The following ZDHHC20 variants were observed in gnomAD, a reference collection of about 807,000 sequenced individuals.
The protein encoded by ZDHHC20 is zDHHC palmitoyltransferase 20.
ZDHHC20 carries 43 observed loss-of-function variants against 57.8 expected under a neutral mutation model. That is an observed-to-expected ratio of 0.74 (90% CI 0.58 to 0.96). ZDHHC20 has a LOEUF of 0.96. Among genes scored for constraint, ZDHHC20 ranks in the 40% least tolerant of loss-of-function variants. The probability of loss-of-function intolerance (pLI) is 0.00; values close to 1 mark genes in which losing one functional copy is unlikely to be tolerated. For synonymous variants in ZDHHC20, 157 were observed against 153.0 expected (o/e 1.03, Z -0.19); for missense variants, 391 against 441.1 (o/e 0.89, Z 1.02).
chr13:21,433,512 G>A (rs1007004762), intron 1 of ZDHHC20, among the ~76,000 whole-genome samples: 1 of 151,904 alleles, frequency 6.6e-6, no homozygotes, highest in Non-Finnish European at 1.5e-5. Context: ...AGCTACTCAG[G>A]AGGGTGAGGT....
intron 1 of ZDHHC20, among the ~76,000 whole-genome samples, chr13:21,429,487 T>C (rs1881667501): frequency 6.6e-6 from 1 of 152,194 alleles, no homozygotes; most frequent in African/African-American, 2.4e-5. Context: ...TTATTCTGTT[T>C]TTCCCCTATA....
chr13:21,459,116 A>G lies in ZDHHC20; in HGVS notation c.56T>C (p.Val19Ala). ...CCQRVVGWVP[V>A]LFITFVVVWS... Reference sequence around the variant, plus strand: ...GACGACCACGAAGGTGATGAAGAGCACCGGCACCCAGCCCACGACGCGCTG... The same window carrying G: ...GACGACCACGAAGGTGATGAAGAGCGCCGGCACCCAGCCCACGACGCGCTG... Residue 19 changes from valine (V) to alanine (A), a missense_variant, in exon 1 of 13, where the codon GTG (valine) becomes GCG (alanine). Physicochemically the swap from Val to Ala is moderately conservative, Grantham distance 64 (BLOSUM62 0). Transcript: ENST00000400590. 1 of 1,607,692 alleles carries G rather than the reference A, an allele frequency of 6.2e-7. No homozygotes were observed.
intron 2 of ZDHHC20, 104 bp from the exon 3 acceptor site, chr13:21,421,268 CAATT>C (rs1593242858): frequency 1.3e-6 from 1 of 789,302 alleles, no homozygotes; most frequent in South Asian, 1.6e-5. Context: ...ATCCAATAAA[CAATT>C]AAATTAAAAT....
At chr13:21,382,088 T>C (rs1040202426) in intron 10 of ZDHHC20, 6 of 385,114 alleles carry the variant, frequency 1.6e-5, no homozygotes, top group African/African-American at 1.0e-4. Flanking sequence ...CCAGACACGA[T>C]GCTAGGCATC....
intron 3 of ZDHHC20, 126 bp from the exon 4 acceptor site, chr13:21,413,898 A>G: frequency 1.6e-6 from 1 of 623,494 alleles, no homozygotes; most frequent in Non-Finnish European, 2.6e-6. Flanking sequence ...CTTGTCTTCA[A>G]AAAAAAGCAG....
rs747307477 is a variant in ZDHHC20 at position 21,414,527 on chromosome 13, A to ATT, written c.250-757_250-756dup. On this transcript the variant is annotated intron_variant, in intron 3 of 12. Transcript: ENST00000400590. The stretch of plus-strand genomic sequence containing the variant: ...AGGCGCACGCCACTATGCCCGGATA[A>ATT]TTTTTTTTTTTTTTTTTGTATTTTT... Among the ~76,000 whole-genome samples the ATT allele has an allele frequency of 2.1e-3, 222 of 107,524 alleles. 7 individuals carry two copies. The highest frequency in any genetic ancestry group is 0.012 in the Middle Eastern group (2 of 162). 70.5% of individuals were successfully genotyped at this position (107,524 alleles called of 152,430 possible). A position where few individuals can be genotyped will look rare whatever the true frequency, so the allele number is the denominator to read the frequency against.
intron 5 of ZDHHC20, among the ~76,000 whole-genome samples, chr13:21,402,244 T>C (rs1167179929): frequency 6.6e-6 from 1 of 152,112 alleles, no homozygotes; most frequent in Non-Finnish European, 1.5e-5. Context: ...ACTGATGGGC[T>C]TGGAGATGGT....
At chr13:21,426,826 C>T (rs1036033153) in intron 1 of ZDHHC20, among the ~76,000 whole-genome samples, 2 of 152,068 alleles carry the variant, frequency 1.3e-5, no homozygotes, top group African/African-American at 2.4e-5. Flanking sequence ...AGGCTGGTCT[C>T]GAACTCCTGA....
intron 2 of ZDHHC20, among the ~76,000 whole-genome samples, chr13:21,424,429 G>A (rs1018116946): frequency 6.6e-6 from 1 of 152,136 alleles, no homozygotes; most frequent in Admixed American, 6.6e-5. Flanking sequence ...AGACTCTTTG[G>A]CCAGGCAACG....
At chr13:21,409,188 A>G (rs1878866464) in intron 4 of ZDHHC20, among the ~76,000 whole-genome samples, 1 of 151,644 alleles carries the variant, frequency 6.6e-6, no homozygotes, top group Admixed American at 6.6e-5. Flanking sequence ...GAATGGTACC[A>G]CCTCCTCTTT....
chr13:21,445,077 CAT>C (rs899378222), intron 1 of ZDHHC20, among the ~76,000 whole-genome samples: 228 of 152,012 alleles, frequency 1.5e-3, no homozygotes, highest in African/African-American at 4.6e-3. Context: ...CACACACACA[CAT>C]ACATGTTTTA....
chr13:21,440,077 A>AG (rs1274922232), intron 1 of ZDHHC20, among the ~76,000 whole-genome samples: 1 of 24,716 alleles, frequency 4.0e-5, no homozygotes, highest in African/African-American at 1.4e-4. Flanking sequence ...AGAAAAAAAA[A>AG]AAAAAAAAAA....
intron 8 of ZDHHC20, among the ~76,000 whole-genome samples, chr13:21,391,262 C>T (rs937074027): frequency 1.3e-5 from 2 of 152,140 alleles, no homozygotes; most frequent in African/African-American, 2.4e-5. Context: ...CCACTGTGCC[C>T]TGCCTCTTAT....
intron 1 of ZDHHC20, among the ~76,000 whole-genome samples, chr13:21,441,261 A>G (rs770489332): frequency 2.6e-4 from 40 of 151,888 alleles, no homozygotes; most frequent in Admixed American, 1.8e-3. Context: ...TTCAAGTCAC[A>G]TTTTGGGTCT....
rs200687078 is a variant in ZDHHC20, at chr13:21,403,196, G to GT, written c.371-331dup. ...AGATTTAGTAAGTCCCAGGTCCAGTGTTTTTTTCTATTATACCACAATGCC... is the reference window on the plus strand; with the variant it reads ...AGATTTAGTAAGTCCCAGGTCCAGTGTTTTTTTTCTATTATACCACAATGCC... On this transcript the variant is annotated intron_variant, in intron 4 of 12. Coordinates refer to ENST00000400590, the MANE Select transcript of ZDHHC20 (RefSeq NM_001330059.2). Among the ~76,000 whole-genome samples the GT allele has an allele frequency of 6.8e-3, 1,030 of 151,608 alleles. 15 individuals carry two copies. Among genetic ancestry groups the GT allele is most frequent in the African/African-American group, 0.023 (948 of 41,296 alleles).
rs1191737376 is a variant in ZDHHC20 at position 21,401,736 on chromosome 13, T to C, written c.441-51A>G. The C allele has an allele frequency of 3.5e-6, 5 of 1,440,248 alleles. No individual in the cohort carries two copies. In the East Asian group the frequency reaches 8.2e-5, roughly 24 times the overall value. The allele number at this position is 1,440,248 out of a possible 1,614,324, so 89.2% of individuals were successfully genotyped here. On this transcript the variant is annotated intron_variant, in intron 5 of 12. Coordinates refer to ENST00000400590, the MANE Select transcript of ZDHHC20 (RefSeq NM_001330059.2). Reference sequence around the variant, plus strand: ...ATCCATGCAGAAAAATTCTTCTAATTCTAACTTCTCATAATTTTCTTTTAT... The same window carrying C: ...ATCCATGCAGAAAAATTCTTCTAATCCTAACTTCTCATAATTTTCTTTTAT...
intron 2 of ZDHHC20, among the ~76,000 whole-genome samples, chr13:21,424,717 A>C (rs115764134): frequency 0.03 from 4,578 of 152,068 alleles, 219 homozygotes; most frequent in African/African-American, 0.1. Flanking sequence ...TCTCAAAAAA[A>C]AAAAAAAGAC....
intron 6 of ZDHHC20, among the ~76,000 whole-genome samples, chr13:21,400,899 TG>T (rs1182251008): frequency 9.9e-5 from 15 of 151,808 alleles, no homozygotes; most frequent in African/African-American, 3.6e-4. Flanking sequence ...TTAGTAGAGA[TG>T]GGGTTTCACC....
At chr13:21,429,687 C>A (rs2137948143) in intron 1 of ZDHHC20, among the ~76,000 whole-genome samples, 1 of 152,180 alleles carries the variant, frequency 6.6e-6, no homozygotes, top group East Asian at 1.9e-4. Context: ...ACCTTTTCAA[C>A]CATATCGTCT....
Sources: gnomAD v4.1 joint callset for allele counts (sites outside exome capture counted in the v4.1 genomes callset) on GRCh38, gnomAD v4.1.1 for gene constraint, MANE v1.5 for transcripts, NCBI Gene and HGNC (gene_info 2026-07-23, HGNC 2026-07-21) for gene names.